The following CACNA2D3 variants were observed in gnomAD, a reference collection of about 807,000 sequenced individuals.
The protein encoded by CACNA2D3 is voltage-dependent calcium channel subunit alpha-2/delta-3.
Under a neutral mutation model 160.6 loss-of-function variants are expected in CACNA2D3, and 60 were observed. The observed-to-expected ratio is 0.37, with a 90% CI of 0.30 to 0.46. The LOEUF is 0.46. Among genes scored for constraint, CACNA2D3 ranks in the 20% least tolerant of loss-of-function variants. The pLI is 1.00. For synonymous variants in CACNA2D3, 558 were observed against 492.9 expected (o/e 1.13, Z -1.75); for missense variants, 1,205 against 1,365.0 (o/e 0.88, Z 1.85).
chr3:54,941,742 G>A (rs1030584888), intron 27 of CACNA2D3, among the ~76,000 whole-genome samples: 3 of 152,124 alleles, frequency 2.0e-5, no homozygotes, highest in East Asian at 1.9e-4. Context: ...ACGAGGGTTC[G>A]CATGGATGTC....
intron 9 of CACNA2D3, among the ~76,000 whole-genome samples, chr3:54,593,977 A>G (rs1421339961): frequency 6.6e-6 from 1 of 152,160 alleles, no homozygotes; most frequent in Admixed American, 6.5e-5. Context: ...TATACTATAT[A>G]TTTTTATCAA....
rs376353584 is a variant in CACNA2D3, at chr3:54,296,714, T to C, written c.205-23728T>C. 2.5e-3 allele frequency among the ~76,000 whole-genome samples: 377 copies of C among 152,340 alleles called. 3 individuals carry two copies. The highest frequency in any genetic ancestry group is 8.3e-3 in the African/African-American group (345 of 41,586). On this transcript the variant is annotated intron_variant, in intron 2 of 37. Coordinates refer to ENST00000474759, the MANE Select transcript of CACNA2D3 (RefSeq NM_018398.3). Reference sequence around the variant, plus strand: ...GAATAATGATCCCTGGCTGTTTTCTTTGTACACGGGCCATTTCCTTAATTA... The same window carrying C: ...GAATAATGATCCCTGGCTGTTTTCTCTGTACACGGGCCATTTCCTTAATTA...
At position 54,646,202 on chromosome 3, in the gene CACNA2D3, C is replaced by G. The variant is rs1463612435; in HGVS notation, c.1167+3961C>G. 4.5e-4 allele frequency among the ~76,000 whole-genome samples: 21 copies of G among 46,766 alleles called. 1 individual carries two copies. The highest frequency in any genetic ancestry group is 2.1e-3 in the African/African-American group (16 of 7,514). 30.7% of individuals were successfully genotyped at this position (46,766 alleles called of 152,430 possible). A position where few individuals can be genotyped will look rare whatever the true frequency, so the allele number is the denominator to read the frequency against. On this transcript the variant is annotated intron_variant, in intron 11 of 37. Transcript: ENST00000474759. ...TCCCTCCCTCCTTCCTTGCTTCCTT[C>G]CTTCCTTCCTTCCTTCCTTCCTTCC...
At chr3:54,209,657 T>C (rs1405073429) in intron 2 of CACNA2D3, among the ~76,000 whole-genome samples, 3 of 152,200 alleles carry the variant, frequency 2.0e-5, no homozygotes, top group Non-Finnish European at 4.4e-5. Context: ...TCTCATCTCA[T>C]TGTCTGCTCC....
At chr3:54,808,494 GAA>G (rs1703194635) in intron 13 of CACNA2D3, among the ~76,000 whole-genome samples, 1 of 152,120 alleles carries the variant, frequency 6.6e-6, no homozygotes. Context: ...GGGTGTAAAT[GAA>G]AAGTCTCGAT....
chr3:54,691,142 C>T (rs979241077), intron 11 of CACNA2D3, among the ~76,000 whole-genome samples: 6 of 152,114 alleles, frequency 3.9e-5, no homozygotes, highest in African/African-American at 7.2e-5. Flanking sequence ...GTTCCCAACC[C>T]GCCAGAGCCT....
chr3:54,401,195 G>A (rs1011850896), intron 4 of CACNA2D3, among the ~76,000 whole-genome samples: 7 of 151,666 alleles, frequency 4.6e-5, no homozygotes, highest in South Asian at 2.1e-4. Context: ...CCTAGTCAAC[G>A]GAAAAAAAAG....
chr3:54,136,203 G>A (rs1576949920), intron 2 of CACNA2D3, among the ~76,000 whole-genome samples: 1 of 152,198 alleles, frequency 6.6e-6, no homozygotes, highest in South Asian at 2.1e-4. Flanking sequence ...GTCCCAGTGT[G>A]TCATCAGGGA....
At chr3:54,391,185 G>A (rs557911851) in intron 4 of CACNA2D3, among the ~76,000 whole-genome samples, 3 of 152,200 alleles carry the variant, frequency 2.0e-5, no homozygotes, top group Admixed American at 6.5e-5. Context: ...TTTGCTTTTC[G>A]TTGGTAAAAT....
chr3:54,780,366 T>C (rs1253391143), intron 13 of CACNA2D3, among the ~76,000 whole-genome samples: 1 of 152,238 alleles, frequency 6.6e-6, no homozygotes, highest in Non-Finnish European at 1.5e-5. Flanking sequence ...TCTGTGCATG[T>C]TGCTAAATGC....
intron 2 of CACNA2D3, among the ~76,000 whole-genome samples, chr3:54,318,763 T>G (rs1417427673): frequency 6.8e-6 from 1 of 147,766 alleles, no homozygotes. Context: ...GGGATAATCA[T>G]AGCTCACTGC....
intron 3 of CACNA2D3, among the ~76,000 whole-genome samples, chr3:54,338,526 A>G (rs1296345173): frequency 8.1e-6 from 1 of 123,256 alleles, no homozygotes. Context: ...TATTTGGGTT[A>G]GGATGGGCTA....
chr3:54,331,698 G>A (rs1370264780), intron 3 of CACNA2D3, among the ~76,000 whole-genome samples: 1 of 152,160 alleles, frequency 6.6e-6, no homozygotes, highest in Non-Finnish European at 1.5e-5. Flanking sequence ...GCATTATAAG[G>A]GGACATGGAA....
At chr3:54,374,438 C>T (rs1179180713) in intron 3 of CACNA2D3, among the ~76,000 whole-genome samples, 1 of 152,242 alleles carries the variant, frequency 6.6e-6, no homozygotes, top group Non-Finnish European at 1.5e-5. Context: ...TCCAGCCCTA[C>T]CGTAGAAGAC....
chr3:54,321,672 T>C (rs1454709966), intron 3 of CACNA2D3, among the ~76,000 whole-genome samples: 2 of 152,094 alleles, frequency 1.3e-5, no homozygotes, highest in African/African-American at 4.8e-5. Flanking sequence ...TGAGGTCACA[T>C]GAGGAGTGAG....
intron 9 of CACNA2D3, among the ~76,000 whole-genome samples, chr3:54,625,172 C>T (rs886771094): frequency 1.3e-5 from 2 of 152,232 alleles, no homozygotes; most frequent in Non-Finnish European, 2.9e-5. Flanking sequence ...TGATCATCCC[C>T]TGAAGACTTA....
At chr3:54,405,204 A>T (rs1340119470) in intron 4 of CACNA2D3, among the ~76,000 whole-genome samples, 1 of 151,726 alleles carries the variant, frequency 6.6e-6, no homozygotes, top group East Asian at 1.9e-4. Context: ...TCTTCACATA[A>T]ATGTAAAAAC....
chr3:54,310,452 A>G (rs899943274), intron 2 of CACNA2D3, among the ~76,000 whole-genome samples: 2 of 152,202 alleles, frequency 1.3e-5, no homozygotes, highest in Non-Finnish European at 2.9e-5. Context: ...TTTTATTGCA[A>G]CATCTTTAGT....
chr3:54,166,585 A>G (rs142707459), intron 2 of CACNA2D3, among the ~76,000 whole-genome samples: 227 of 152,302 alleles, frequency 1.5e-3, no homozygotes, highest in Non-Finnish European at 2.7e-3. Flanking sequence ...TGTGGGGAAG[A>G]TAATATGGGG....
Sources: gnomAD v4.1 joint callset for allele counts (sites outside exome capture counted in the v4.1 genomes callset) on GRCh38, gnomAD v4.1.1 for gene constraint, MANE v1.5 for transcripts, NCBI Gene and HGNC (gene_info 2026-07-23, HGNC 2026-07-21) for gene names.